ZNF560: variants seen among roughly 807,000 people sequenced by gnomAD.
ZNF560 encodes the protein zinc finger protein 560.
ZNF560 carries 54 observed loss-of-function variants against 81.8 expected under a neutral mutation model. The observed-to-expected ratio is 0.66, with a 90% CI of 0.53 to 0.83. The LOEUF is 0.83. ZNF560 is among the 40% of genes least tolerant of loss of function. The probability of loss-of-function intolerance (pLI) is 0.00; values close to 1 mark genes in which losing one functional copy is unlikely to be tolerated. For missense variants in ZNF560, 940 were observed against 932.4 expected (o/e 1.01, Z -0.11); for synonymous variants, 321 against 317.9 (o/e 1.01, Z -0.10).
chr19:9,454,794 AT>A, the ZNF560 span, among the ~76,000 whole-genome samples: 1 of 152,294 alleles, frequency 6.6e-6, no homozygotes, highest in East Asian at 1.9e-4. Context: ...GTGGGCTCTG[AT>A]TCATTCCACC....
At chr19:9,479,184 G>GAAAA (rs113154495) in intron 2 of ZNF560, among the ~76,000 whole-genome samples, 10 of 138,130 alleles carry the variant, frequency 7.2e-5, no homozygotes, top group African/African-American at 2.4e-4. Context: ...TTCCAAAATG[G>GAAAA]AAAAAAAAAA....
intron 2 of ZNF560, among the ~76,000 whole-genome samples, chr19:9,488,471 C>G (rs185532849): frequency 7.9e-5 from 12 of 152,112 alleles, no homozygotes; most frequent in Non-Finnish European, 1.5e-4. Flanking sequence ...GTGACAATCT[C>G]ATTTGGTCCA....
the ZNF560 span, among the ~76,000 whole-genome samples, chr19:9,458,438 C>T: frequency 2.0e-4 from 30 of 152,328 alleles, no homozygotes; most frequent in South Asian, 6.2e-4. Flanking sequence ...GCTCAAAAAG[C>T]GGAGCTTGAG....
chr19:9,500,936 G>A (rs190324364), upstream of ZNF560, among the ~76,000 whole-genome samples: 118 of 151,150 alleles, frequency 7.8e-4, 2 homozygotes, highest in Non-Finnish European at 2.9e-5. Flanking sequence ...TCCTGCATTA[G>A]TTGAGGTGAT....
intron 2 of ZNF560, among the ~76,000 whole-genome samples, chr19:9,479,089 G>T (rs760902980): frequency 8.6e-5 from 13 of 151,802 alleles, no homozygotes; most frequent in Non-Finnish European, 1.8e-4. Context: ...TCACTTGAAT[G>T]GGCAGGAGAA....
downstream of ZNF560, among the ~76,000 whole-genome samples, chr19:9,464,050 G>A (rs1014716904): frequency 6.6e-6 from 1 of 152,114 alleles, no homozygotes; most frequent in Non-Finnish European, 1.5e-5. Context: ...AAGAACCACA[G>A]AAAGAATCAC....
chr19:9,463,689 G>C (rs1212477849), downstream of ZNF560, among the ~76,000 whole-genome samples: 1 of 152,012 alleles, frequency 6.6e-6, no homozygotes, highest in Non-Finnish European at 1.5e-5. Flanking sequence ...AGTTTTTTTG[G>C]TTTTGTTTTG....
At chr19:9,484,096 T>C (rs1346819688) in intron 2 of ZNF560, among the ~76,000 whole-genome samples, 2 of 152,150 alleles carry the variant, frequency 1.3e-5, no homozygotes, top group Non-Finnish European at 2.9e-5. Context: ...GAAGGCAGCA[T>C]GCTCGTTAAG....
chr19:9,487,139 AG>A (rs2144718651), intron 2 of ZNF560, among the ~76,000 whole-genome samples: 1 of 152,200 alleles, frequency 6.6e-6, no homozygotes, highest in East Asian at 1.9e-4. Context: ...AGCAGGGACA[AG>A]CTCCATAAGG....
intron 2 of ZNF560, among the ~76,000 whole-genome samples, chr19:9,491,825 C>CAAAA (rs1337657281): frequency 3.5e-5 from 1 of 28,954 alleles, no homozygotes; most frequent in Admixed American, 3.4e-4. Context: ...GACTCCGTCT[C>CAAAA]AAAAAAAAAA....
At chr19:9,491,554 T>C (rs866203345) in intron 2 of ZNF560, among the ~76,000 whole-genome samples, 1 of 152,050 alleles carries the variant, frequency 6.6e-6, no homozygotes, top group African/African-American at 2.4e-5. Flanking sequence ...TGGCCAGGCA[T>C]GGTGGCTCAC....
Position 9,471,293 on chromosome 19 carries a change from T to C in ZNF560, c.321+3A>G. 6.4e-7 allele frequency: 1 copy of C among 1,574,308 alleles called. No homozygotes were observed. Among genetic ancestry groups the C allele is most frequent in the Non-Finnish European group, 8.6e-7 (1 of 1,163,554 alleles). Reference sequence around the variant, plus strand: ...AATAAGAAATACCCTTTCTTAACATTACCATTTGTATCCCATTAGAAGTTT... The same window carrying C: ...AATAAGAAATACCCTTTCTTAACATCACCATTTGTATCCCATTAGAAGTTT... On this transcript the variant is annotated splice_donor_region_variant and intron_variant, in intron 6 of 9. Transcript: ENST00000301480.
chr19:9,449,647 A>G, the ZNF560 span, among the ~76,000 whole-genome samples: 1 of 152,184 alleles, frequency 6.6e-6, no homozygotes, highest in African/African-American at 2.4e-5. Context: ...ATCATACTAA[A>G]TGGGCAAAAG....
At chr19:9,482,934 G>C (rs888771988) in intron 2 of ZNF560, among the ~76,000 whole-genome samples, 2 of 152,180 alleles carry the variant, frequency 1.3e-5, no homozygotes, top group African/African-American at 4.8e-5. Context: ...CGAGGTGCCG[G>C]GATTGCAGAT....
chr19:9,464,781 C>T (rs2072989378), downstream of ZNF560, among the ~76,000 whole-genome samples: 1 of 152,008 alleles, frequency 6.6e-6, no homozygotes, highest in African/African-American at 2.4e-5. Flanking sequence ...GAAAGACATA[C>T]CATGCCAGGA....
the ZNF560 span, among the ~76,000 whole-genome samples, chr19:9,459,005 G>A: frequency 6.6e-6 from 1 of 152,218 alleles, no homozygotes; most frequent in Non-Finnish European, 1.5e-5. Context: ...ACCTTTTGCA[G>A]TGTTTTGTGG....
intron 2 of ZNF560, among the ~76,000 whole-genome samples, chr19:9,485,206 TGAA>T (rs2073366133): frequency 6.6e-6 from 1 of 152,020 alleles, no homozygotes; most frequent in South Asian, 2.1e-4. Flanking sequence ...TCCAAAAAAC[TGAA>T]GAAGGATGCT....
chr19:9,496,005 G>A (rs2073552213), intron 2 of ZNF560, among the ~76,000 whole-genome samples: 1 of 151,982 alleles, frequency 6.6e-6, no homozygotes, highest in Non-Finnish European at 1.5e-5. Context: ...CCTATGGATG[G>A]GAATTTATAA....
At chr19:9,470,605 G>A in intron 6 of ZNF560, 87 bp from the exon 7 acceptor site, 7 of 1,591,504 alleles carry the variant, frequency 4.4e-6, no homozygotes, top group Non-Finnish European at 5.2e-6. Flanking sequence ...CCCAATCCCT[G>A]TACAGGGTAC....
Sources: allele counts gnomAD v4.1 joint callset (sites outside exome capture counted in the v4.1 genomes callset), GRCh38; gene constraint gnomAD v4.1.1; transcripts MANE v1.5; gene names NCBI Gene and HGNC (gene_info 2026-07-23, HGNC 2026-07-21).